The following INPP5A variants were observed in gnomAD, a reference collection of about 807,000 sequenced individuals.
The protein encoded by INPP5A is inositol polyphosphate-5-phosphatase A.
Under a neutral mutation model 65.2 loss-of-function variants are expected in INPP5A, and 14 were observed. The ratio of observed to expected loss-of-function variants is 0.21; its 90% CI spans 0.14 to 0.34. INPP5A has a LOEUF of 0.34. Among genes scored for constraint, INPP5A ranks in the 10% least tolerant of loss-of-function variants. The pLI is 1.00. For synonymous variants in INPP5A, 207 were observed against 208.3 expected (o/e 0.99, Z 0.05); for missense variants, 431 against 545.6 (o/e 0.79, Z 2.09).
intron 1 of INPP5A, among the ~76,000 whole-genome samples, chr10:132,596,836 CGTGTGTGCATGCGTGTGTGTGCAT>C (rs1236246238): frequency 7.1e-6 from 1 of 141,040 alleles, no homozygotes; most frequent in Non-Finnish European, 1.6e-5. Context: ...TGCTTGTGTG[CGTGTGTGCATGCGTGTGTGTGCAT>C]GTGTGTGCAT....
chr10:132,780,997 G>A (rs941828376), intron 14 of INPP5A, 80 bp downstream of exon 14: 7 of 922,616 alleles, frequency 7.6e-6, no homozygotes, highest in Non-Finnish European at 1.2e-5. Context: ...GCCAGTGGGT[G>A]GGCGGGTGCT....
At chr10:132,571,273 C>A (rs1044912974) in intron 1 of INPP5A, among the ~76,000 whole-genome samples, 7 of 152,256 alleles carry the variant, frequency 4.6e-5, no homozygotes, top group Non-Finnish European at 8.8e-5. Flanking sequence ...GAGGCTCCTG[C>A]CGAGCAGAGG....
Position 132,603,156 on chromosome 10 carries a change from C to A in INPP5A, c.76-4759C>A, listed in dbSNP as rs1163493900. ...CTGCTGACGTCTCTGCCTTCCGAAG[C>A]TACAAAGGGGAAGAGTTGGGCCTTC... On this transcript the variant is annotated intron_variant, in intron 1 of 15. Coordinates refer to ENST00000368594, the MANE Select transcript of INPP5A (RefSeq NM_005539.5). This position sits in a 1 kb window ranked among gnomAD's most constrained non-coding sequence, Gnocchi z 4.2. 2.0e-5 allele frequency among the ~76,000 whole-genome samples: 3 copies of A among 152,196 alleles called. No individual in the cohort carries two copies. Among genetic ancestry groups the A allele is most frequent in the African/African-American group, 7.2e-5 (3 of 41,446 alleles).
intron 2 of INPP5A, among the ~76,000 whole-genome samples, chr10:132,642,671 C>T (rs1378021794): frequency 6.6e-6 from 1 of 152,194 alleles, no homozygotes; most frequent in African/African-American, 2.4e-5. Flanking sequence ...GGAGCTCATC[C>T]ATGTCACGTA....
rs931752273 is a variant in INPP5A, at chr10:132,593,400, TA to T, written c.76-14507del. On this transcript the variant is annotated intron_variant, in intron 1 of 15. Coordinates refer to ENST00000368594, the MANE Select transcript of INPP5A (RefSeq NM_005539.5). ...TAATTGAAGAACTTTTCAGTAAACT[TA>T]AAAAAAATTAACCTTCATTTATTAC... 2.0e-5 allele frequency among the ~76,000 whole-genome samples: 3 copies of T among 152,258 alleles called. No homozygotes were observed. The South Asian group carries it at 6.2e-4, about 32-fold the overall frequency.
chr10:132,766,456 G>A (rs993343465), intron 12 of INPP5A, among the ~76,000 whole-genome samples: 4 of 152,142 alleles, frequency 2.6e-5, no homozygotes, highest in East Asian at 3.9e-4. Context: ...TAAGGCATGC[G>A]TGTGTGTGCC....
Position 132,727,621 on chromosome 10 carries a change from G to A in INPP5A, c.732+716G>A, listed in dbSNP as rs1353658836. ...GACTTGGGATTCCACTTCCCGGGCA[G>A]CTGTGAAGAGGGGGGTGTGGGAAAT... is the stretch of plus-strand genomic sequence containing the variant. On this transcript the variant is annotated intron_variant, in intron 9 of 15. Coordinates refer to ENST00000368594, the MANE Select transcript of INPP5A (RefSeq NM_005539.5). This position sits in a 1 kb window ranked among gnomAD's most constrained non-coding sequence, Gnocchi z 6.5. Among the ~76,000 whole-genome samples, 1 of 152,150 alleles carries A rather than the reference G, an allele frequency of 6.6e-6. No individual in the cohort carries two copies. The highest frequency in any genetic ancestry group is 1.5e-5 in the Non-Finnish European group (1 of 68,028).
intron 9 of INPP5A, among the ~76,000 whole-genome samples, chr10:132,739,577 CT>C (rs1452433160): frequency 6.6e-6 from 1 of 152,258 alleles, no homozygotes; most frequent in African/African-American, 2.4e-5. Flanking sequence ...TGCCAGCCCC[CT>C]GATCTCAGCC....
intron 11 of INPP5A, among the ~76,000 whole-genome samples, chr10:132,759,166 C>T (rs1046650443): frequency 3.3e-5 from 5 of 152,204 alleles, no homozygotes; most frequent in Non-Finnish European, 2.9e-5. Context: ...AGGCCATGCC[C>T]GTCCACACGC....
chr10:132,585,975 C>T (rs1378634561), intron 1 of INPP5A, among the ~76,000 whole-genome samples: 1 of 152,202 alleles, frequency 6.6e-6, no homozygotes, highest in African/African-American at 2.4e-5. Context: ...TGTGAAGCAG[C>T]CTCACCTCCT....
In INPP5A at chr10:132,704,848, A is replaced by C. The variant is rs996622007; in HGVS notation, c.475-3465A>C. ...AGCTCCTCTGGAGTGTGGAGGATGG[A>C]GGAAGGGCGTCTGGACAGGCAGCAG... On this transcript the variant is annotated intron_variant, in intron 6 of 15. Transcript: ENST00000368594. The surrounding 1 kb of genome is among the most constrained non-coding windows in gnomAD (Gnocchi z 4.5). 1.4e-5 allele frequency among the ~76,000 whole-genome samples: 2 copies of C among 144,016 alleles called. No homozygotes were observed. Among genetic ancestry groups the C allele is most frequent in the Non-Finnish European group, 3.0e-5 (2 of 66,482 alleles). 94.5% of individuals were successfully genotyped at this position (144,016 alleles called of 152,430 possible). A position where few individuals can be genotyped will look rare whatever the true frequency, so the allele number is the denominator to read the frequency against.
chr10:132,646,244 CCA>C (rs2072492756), intron 3 of INPP5A, among the ~76,000 whole-genome samples: 1 of 152,194 alleles, frequency 6.6e-6, no homozygotes, highest in African/African-American at 2.4e-5. Flanking sequence ...GCCCCAGATA[CCA>C]GTGGAGCCGT....
At chr10:132,548,942 G>T (rs998034754) in intron 1 of INPP5A, among the ~76,000 whole-genome samples, 2 of 151,998 alleles carry the variant, frequency 1.3e-5, no homozygotes, top group Non-Finnish European at 2.9e-5. Context: ...GGCCACAGGC[G>T]CGGCCACCAT....
At chr10:132,703,778 A>G (rs1332160715) in intron 6 of INPP5A, among the ~76,000 whole-genome samples, 5 of 41,482 alleles carry the variant, frequency 1.2e-4, no homozygotes, top group African/African-American at 2.2e-4. Context: ...ACACACACAC[A>G]CAGCTTCACC....
At chr10:132,769,846 G>C (rs933841551) in intron 12 of INPP5A, among the ~76,000 whole-genome samples, 13 of 145,544 alleles carry the variant, frequency 8.9e-5, no homozygotes, top group African/African-American at 3.0e-4. Flanking sequence ...GTACAGCCCA[G>C]GCTCAGGTGG....
intron 9 of INPP5A, among the ~76,000 whole-genome samples, chr10:132,744,027 C>T (rs546328758): frequency 4.3e-4 from 65 of 152,338 alleles, no homozygotes; most frequent in African/African-American, 1.3e-3. Context: ...CTGTGTCTTG[C>T]GACACTTAAG....
chr10:132,774,765 C>G (rs922330273), intron 12 of INPP5A, among the ~76,000 whole-genome samples: 1 of 151,300 alleles, frequency 6.6e-6, no homozygotes, highest in East Asian at 2.0e-4. Context: ...GCCGTGCAGC[C>G]TACACAGGGG....
intron 1 of INPP5A, among the ~76,000 whole-genome samples, chr10:132,598,088 A>C (rs982346108): frequency 6.6e-6 from 1 of 152,160 alleles, no homozygotes; most frequent in Non-Finnish European, 1.5e-5. Context: ...TCTGGGACCT[A>C]CCCTTCCTAC....
Position 132,547,520 on chromosome 10 carries a change from C to G in INPP5A, c.75+9349C>G, listed in dbSNP as rs1222708343. ...TATAACCGGGAGGGAGTGCCCGCCT[C>G]TGCCCACCTGCCTGGCATCTGGGGT... On this transcript the variant is annotated intron_variant, in intron 1 of 15. Coordinates refer to ENST00000368594, the MANE Select transcript of INPP5A (RefSeq NM_005539.5). This position sits in a 1 kb window ranked among gnomAD's most constrained non-coding sequence, Gnocchi z 5.5. 6.6e-6 allele frequency among the ~76,000 whole-genome samples: 1 copy of G among 152,192 alleles called. No individual in the cohort carries two copies. The highest frequency in any genetic ancestry group is 1.5e-5 in the Non-Finnish European group (1 of 68,018).
Sources: gnomAD v4.1 joint callset for allele counts (sites outside exome capture counted in the v4.1 genomes callset) on GRCh38, gnomAD v4.1.1 for gene constraint, Gnocchi (gnomAD v3.1) non-coding constraint, MANE v1.5 for transcripts, NCBI Gene and HGNC (gene_info 2026-07-23, HGNC 2026-07-21) for gene names.